Variants in COL28A1 observed in about 807,000 individuals in gnomAD.
The protein encoded by COL28A1 is collagen alpha-1(XXVIII) chain.
In COL28A1, 161 loss-of-function variants were observed where a neutral mutation model predicts 150.2. The observed-to-expected ratio is 1.07, with a 90% confidence interval of 0.94 to 1.22. The LOEUF (loss-of-function observed/expected upper bound fraction) is 1.22, where lower values mean the gene tolerates loss of function less well. Ranked by LOEUF, COL28A1 falls within the 50% of genes most tolerant of loss-of-function variation. The probability of loss-of-function intolerance (pLI) is 0.00; values close to 1 mark genes in which losing one functional copy is unlikely to be tolerated. For synonymous variants in COL28A1, 552 were observed against 469.7 expected (o/e 1.18, Z -2.26); for missense variants, 1,617 against 1,388.3 (o/e 1.16, Z -2.62).
In COL28A1 at chr7:7,520,070, C is replaced by T. The variant is rs756660507; in HGVS notation, c.805G>A (p.Gly269Arg). The change falls in exon 6 of 35, where the codon GGA becomes AGA. Residue 269 changes from glycine to arginine, a missense_variant. By Grantham distance (125) the Gly-to-Arg change is moderately radical. Transcript: ENST00000399429. ...PGIKGERGPK[G>R]NPGNAQKGEA... The stretch of plus-strand genomic sequence containing the variant: ...GCTGTTTATTCATTTACCGGGTTTC[C>T]TTTTGGTCCTCGCTCACCTTTGATA... The T allele has an allele frequency of 8.6e-6, 12 of 1,395,424 alleles. No homozygotes were observed. Among genetic ancestry groups the T allele is most frequent in the Non-Finnish European group, 1.2e-5 (12 of 982,108 alleles). 86.4% of individuals were successfully genotyped at this position (1,395,424 alleles called of 1,614,324 possible).
At chr7:7,372,265 G>GAT (rs1781268608) in intron 32 of COL28A1, among the ~76,000 whole-genome samples, 1 of 151,658 alleles carries the variant, frequency 6.6e-6, no homozygotes, top group African/African-American at 2.4e-5. Context: ...CGGGCATGGT[G>GAT]GCGCGTGCCT....
chr7:7,407,543 C>T (rs186647359), intron 27 of COL28A1, among the ~76,000 whole-genome samples: 2 of 151,926 alleles, frequency 1.3e-5, no homozygotes, highest in Non-Finnish European at 1.5e-5. Flanking sequence ...ATCTTTCATG[C>T]CCTCAGAGGA....
intron 27 of COL28A1, among the ~76,000 whole-genome samples, chr7:7,387,813 G>A (rs11525818): frequency 2.0e-5 from 3 of 152,106 alleles, no homozygotes; most frequent in African/African-American, 7.2e-5. Context: ...CTGCTGCAGC[G>A]GCTAAAGCAT....
At chr7:7,543,643 T>C in the COL28A1 span, among the ~76,000 whole-genome samples, 7 of 152,272 alleles carry the variant, frequency 4.6e-5, no homozygotes, top group East Asian at 1.4e-3. Context: ...ATTTCCATCA[T>C]ATAGTTGCCA....
At chr7:7,532,175 A>T (rs77687431) in intron 2 of COL28A1, among the ~76,000 whole-genome samples, 1 of 152,310 alleles carries the variant, frequency 6.6e-6, no homozygotes, top group East Asian at 1.9e-4. Flanking sequence ...ACCTGCTGAA[A>T]GTGGGAGGAA....
chr7:7,433,542 G>A (rs1173862756), intron 23 of COL28A1, among the ~76,000 whole-genome samples: 2 of 151,652 alleles, frequency 1.3e-5, no homozygotes, highest in African/African-American at 2.4e-5. Context: ...GCTGAGGCAG[G>A]AGAATTGCTT....
chr7:7,462,687 C>A (rs56084871), intron 15 of COL28A1, among the ~76,000 whole-genome samples: 3 of 151,886 alleles, frequency 2.0e-5, no homozygotes, highest in South Asian at 2.1e-4. Context: ...AGAGAAACCC[C>A]GTCTCTACTA....
chr7:7,456,204 T>C, intron 15 of COL28A1, 92 bp from the exon 16 acceptor site: 2 of 1,477,766 alleles, frequency 1.4e-6, no homozygotes, highest in Non-Finnish European at 1.8e-6. Flanking sequence ...TGTTAAAATC[T>C]ATCTTTATAC....
At chr7:7,516,224 T>A (rs1293535610) in intron 7 of COL28A1, among the ~76,000 whole-genome samples, 1 of 152,246 alleles carries the variant, frequency 6.6e-6, no homozygotes, top group Non-Finnish European at 1.5e-5. Flanking sequence ...GCTAAGAATG[T>A]TTCATAGAGA....
At chr7:7,465,974 C>T (rs1445897335) in intron 15 of COL28A1, among the ~76,000 whole-genome samples, 1 of 72,508 alleles carries the variant, frequency 1.4e-5, no homozygotes, top group African/African-American at 5.7e-5. Flanking sequence ...TCATCAAAGA[C>T]CAAAAGTAGA....
At chr7:7,399,019 C>G (rs1248460638) in intron 27 of COL28A1, among the ~76,000 whole-genome samples, 1 of 152,138 alleles carries the variant, frequency 6.6e-6, no homozygotes, top group African/African-American at 2.4e-5. Context: ...ATAGAATCTC[C>G]AATTCTCTAG....
chr7:7,382,570 G>C (rs970784861), intron 27 of COL28A1, among the ~76,000 whole-genome samples: 1 of 152,058 alleles, frequency 6.6e-6, no homozygotes, highest in African/African-American at 2.4e-5. Flanking sequence ...ACAATCACTA[G>C]CAAGTATACA....
chr7:7,358,487 T>G lies in COL28A1; in HGVS notation c.*146A>C. On this transcript the variant is annotated 3_prime_UTR_variant, in exon 35 of 35. Transcript: ENST00000399429. Reference sequence around the variant, plus strand: ...ATATAAGTGGTTAATAATATGTACATCCTAGGGCTGTAGTGAGAATTCAAT... The same window carrying G: ...ATATAAGTGGTTAATAATATGTACAGCCTAGGGCTGTAGTGAGAATTCAAT... The G allele has an allele frequency of 1.3e-6, 1 of 752,542 alleles. No homozygotes were observed. Among genetic ancestry groups the G allele is most frequent in the Non-Finnish European group, 2.2e-6 (1 of 460,436 alleles). The allele number at this position is 752,542 out of a possible 1,614,324, so 46.6% of individuals were successfully genotyped here.
Position 7,517,917 on chromosome 7 carries a change from AT to A in COL28A1, c.814-81del, listed in dbSNP as rs1363196018. 2.5e-6 allele frequency: 4 copies of A among 1,570,918 alleles called. No individual in the cohort carries two copies. In the African/African-American group the frequency reaches 5.4e-5, roughly 21 times the overall value. On this transcript the variant is annotated intron_variant, in intron 6 of 34. Coordinates refer to ENST00000399429, the MANE Select transcript of COL28A1 (RefSeq NM_001037763.3). Reference sequence around the variant, plus strand: ...CTCAATAAAATGCATTATACAGAAGATTAATAGCTTAGCCCAATTAGGAAAC... The same window carrying A: ...CTCAATAAAATGCATTATACAGAAGATAATAGCTTAGCCCAATTAGGAAAC...
At chr7:7,400,252 C>T (rs1453981866) in intron 27 of COL28A1, among the ~76,000 whole-genome samples, 1 of 152,106 alleles carries the variant, frequency 6.6e-6, no homozygotes, top group Non-Finnish European at 1.5e-5. Context: ...GGGTGATTAT[C>T]CTGGATTATC....
intron 11 of COL28A1, among the ~76,000 whole-genome samples, chr7:7,497,116 A>G (rs1233789198): frequency 6.7e-6 from 1 of 149,964 alleles, no homozygotes; most frequent in Non-Finnish European, 1.5e-5. Context: ...GAAGGAAGGA[A>G]GGAAGGAAGG....
chr7:7,442,536 AT>A (rs1264243770), intron 20 of COL28A1, among the ~76,000 whole-genome samples: 4 of 152,210 alleles, frequency 2.6e-5, no homozygotes, highest in African/African-American at 9.6e-5. Context: ...ATAAACAAAA[AT>A]GTTTAAAAGC....
rs1473202414 is a variant in COL28A1 at position 7,443,581 on chromosome 7, A to G, written c.1650+4T>C. On this transcript the variant is annotated splice_donor_region_variant and intron_variant, in intron 20 of 34. Coordinates refer to ENST00000399429, the MANE Select transcript of COL28A1 (RefSeq NM_001037763.3). Reference sequence around the variant, plus strand: ...TGCTTCCACCAACACTGTCATTTCCATACCTTGGGGCCAGGCTGTCCTTTT... The same window carrying G: ...TGCTTCCACCAACACTGTCATTTCCGTACCTTGGGGCCAGGCTGTCCTTTT... The G allele has an allele frequency of 6.2e-7, 1 of 1,614,030 alleles. No homozygotes were observed. Among genetic ancestry groups the G allele is most frequent in the Non-Finnish European group, 8.5e-7 (1 of 1,179,994 alleles).
intron 11 of COL28A1, among the ~76,000 whole-genome samples, chr7:7,494,754 T>C (rs1473182340): frequency 2.0e-5 from 3 of 152,150 alleles, no homozygotes; most frequent in South Asian, 2.1e-4. Flanking sequence ...TAAAATAAAA[T>C]ACAAGCATGT....
Sources: gnomAD v4.1 joint callset for allele counts (sites outside exome capture counted in the v4.1 genomes callset) on GRCh38, gnomAD v4.1.1 for gene constraint, MANE v1.5 for transcripts, NCBI Gene and HGNC (gene_info 2026-07-23, HGNC 2026-07-21) for gene names.